Variants in ZNF521 observed in about 807,000 individuals in gnomAD.
The protein encoded by ZNF521 is zinc finger protein 521.
A neutral mutation model predicts 105.5 loss-of-function variants in ZNF521; 14 were observed. The observed-to-expected ratio is 0.13, with a 90% CI of 0.09 to 0.21. The LOEUF (loss-of-function observed/expected upper bound fraction) is 0.21, where lower values mean the gene tolerates loss of function less well. ZNF521 is among the 10% of genes least tolerant of loss of function. ZNF521 has a pLI of 1.00. For missense variants in ZNF521, 1,233 were observed against 1,629.7 expected, an observed-to-expected ratio of 0.76 and a Z score of 4.19; for synonymous variants, 635 against 606.0, an observed-to-expected ratio of 1.05 and a Z score of -0.70.
chr18:25,240,915 C>T (rs1907280660), intron 3 of ZNF521, among the ~76,000 whole-genome samples: 2 of 141,066 alleles, frequency 1.4e-5, no homozygotes, highest in Admixed American at 7.4e-5. Context: ...GTTTTCTGCA[C>T]TACTTTGTGT....
chr18:25,203,462 A>G (rs2036026747), intron 4 of ZNF521, among the ~76,000 whole-genome samples: 1 of 152,098 alleles, frequency 6.6e-6, no homozygotes, highest in South Asian at 2.1e-4. Flanking sequence ...ACAAAATATT[A>G]AAAAATTAGT....
At chr18:25,243,261 C>T (rs1907472614) in intron 3 of ZNF521, among the ~76,000 whole-genome samples, 1 of 152,040 alleles carries the variant, frequency 6.6e-6, no homozygotes, top group Admixed American at 6.6e-5. Context: ...CTTTTGTTAG[C>T]TTAAAAAGCC....
In ZNF521 at chr18:25,062,749, TAACAAAAAAAAAA is replaced by T. The variant is rs2032933465; in HGVS notation, c.3907-21_3907-9del. On this transcript the variant is annotated splice_polypyrimidine_tract_variant and intron_variant, in intron 7 of 7. Coordinates refer to ENST00000361524, the MANE Select transcript of ZNF521 (RefSeq NM_015461.3). Reference sequence around the variant, plus strand: ...TTGGGTCATTGTATGATTCTGTAAATAACAAAAAAAAAAAAAAAAAAAAAAAAAAAAAAAAAGA... The same window carrying T: ...TTGGGTCATTGTATGATTCTGTAAATAAAAAAAAAAAAAAAAAAAAAAAGA... 3.0e-4 allele frequency: 61 copies of T among 204,490 alleles called. No homozygotes were observed. Among genetic ancestry groups the T allele is most frequent in the Non-Finnish European group, 3.9e-4 (55 of 140,762 alleles). 12.7% of individuals were successfully genotyped at this position (204,490 alleles called of 1,614,324 possible).
rs754522798 is a variant in ZNF521, at chr18:25,227,099, G to T, written c.819C>A (p.Ser273=). ...GGAGGGCCGCTCGGTCCTCATTTGGGGAGCATTCGGGGTGGCACTCTGCAA... is the reference window on the plus strand; with the variant it reads ...GGAGGGCCGCTCGGTCCTCATTTGGTGAGCATTCGGGGTGGCACTCTGCAA... ...KHIAECHPEC[S]PNEDRAALQC... The change falls in exon 4 of 8, where the codon TCC becomes TCA. Residue 273 remains serine, a synonymous_variant. Transcript: ENST00000361524. The surrounding 1 kb of genome is among the most constrained non-coding windows in gnomAD (Gnocchi z 5.7). 1 of 1,614,080 alleles carries T rather than the reference G, an allele frequency of 6.2e-7. No individual in the cohort carries two copies. Among genetic ancestry groups the T allele is most frequent in the East Asian group, 2.2e-5 (1 of 44,860 alleles).
At chr18:25,291,722 C>G (rs1911032817) in intron 3 of ZNF521, among the ~76,000 whole-genome samples, 1 of 152,080 alleles carries the variant, frequency 6.6e-6, no homozygotes, top group South Asian at 2.1e-4. Flanking sequence ...TCGCCAAGCC[C>G]TCGGCATACT....
intron 5 of ZNF521, among the ~76,000 whole-genome samples, chr18:25,107,331 T>C (rs185514798): frequency 6.6e-6 from 1 of 152,356 alleles, no homozygotes; most frequent in East Asian, 1.9e-4. Flanking sequence ...TTGAAATATC[T>C]TTTAACACTC....
chr18:25,290,651 C>T (rs897805437), intron 3 of ZNF521, among the ~76,000 whole-genome samples: 76 of 143,918 alleles, frequency 5.3e-4, no homozygotes, highest in Non-Finnish European at 8.6e-4. Flanking sequence ...CACTTTGTCA[C>T]CCAGACTGGA....
At chr18:25,337,954 G>A (rs921092035) in intron 2 of ZNF521, among the ~76,000 whole-genome samples, 2 of 152,136 alleles carry the variant, frequency 1.3e-5, no homozygotes, top group African/African-American at 4.8e-5. Context: ...ATATGGAAGG[G>A]CTGCTAGGAA....
At chr18:25,262,626 A>C (rs1244675083) in intron 3 of ZNF521, among the ~76,000 whole-genome samples, 1 of 152,214 alleles carries the variant, frequency 6.6e-6, no homozygotes, top group Non-Finnish European at 1.5e-5. Context: ...AAAGCAATAA[A>C]CAAACTATCA....
intron 2 of ZNF521, 176 bp from the exon 3 acceptor site, chr18:25,322,363 A>G (rs1912977537): frequency 1.1e-5 from 8 of 759,196 alleles, no homozygotes; most frequent in Admixed American, 1.1e-4. Flanking sequence ...AAAATTATTC[A>G]GTTAGTGACT....
intron 3 of ZNF521, among the ~76,000 whole-genome samples, chr18:25,298,292 C>T (rs905964263): frequency 6.6e-6 from 1 of 152,100 alleles, no homozygotes; most frequent in Non-Finnish European, 1.5e-5. Context: ...AAGGTCTCTG[C>T]CAATTAATGA....
chr18:25,128,002 C>T (rs1299825406), intron 5 of ZNF521, among the ~76,000 whole-genome samples: 10 of 151,832 alleles, frequency 6.6e-5, no homozygotes, highest in Non-Finnish European at 1.3e-4. Flanking sequence ...ATACAGAAAC[C>T]AGACAAAGAC....
intron 5 of ZNF521, among the ~76,000 whole-genome samples, chr18:25,147,841 C>A (rs1486452310): frequency 6.6e-6 from 1 of 152,150 alleles, no homozygotes. Flanking sequence ...TAACTTCCAG[C>A]AAGCATTTTA....
intron 7 of ZNF521, among the ~76,000 whole-genome samples, chr18:25,079,178 G>C (rs116596879): frequency 6.6e-6 from 1 of 152,372 alleles, no homozygotes; most frequent in East Asian, 1.9e-4. Flanking sequence ...CTGGATTGGC[G>C]CTCATGCCAC....
chr18:25,091,241 C>T (rs932887703), intron 6 of ZNF521, among the ~76,000 whole-genome samples: 3 of 152,160 alleles, frequency 2.0e-5, no homozygotes, highest in African/African-American at 7.2e-5. Flanking sequence ...AAAGGATTTT[C>T]CAAAATAACT....
intron 5 of ZNF521, among the ~76,000 whole-genome samples, chr18:25,129,280 TATTA>T (rs1466359327): frequency 1.9e-5 from 1 of 52,930 alleles, no homozygotes; most frequent in Non-Finnish European, 6.6e-5. Context: ...TTATTATTAT[TATTA>T]ATTAATCTGT....
intron 4 of ZNF521, among the ~76,000 whole-genome samples, chr18:25,196,177 A>G (rs1241381943): frequency 6.6e-6 from 1 of 151,742 alleles, no homozygotes; most frequent in Non-Finnish European, 1.5e-5. Context: ...GTAATTAAAA[A>G]CCATGTTGGA....
intron 2 of ZNF521, among the ~76,000 whole-genome samples, chr18:25,341,369 C>T (rs1914191109): frequency 6.6e-6 from 1 of 152,176 alleles, no homozygotes; most frequent in African/African-American, 2.4e-5. Context: ...TTAATATGAA[C>T]ATCATACACA....
At chr18:25,350,355 C>A (rs897397045) in intron 2 of ZNF521, among the ~76,000 whole-genome samples, 3 of 151,914 alleles carry the variant, frequency 2.0e-5, no homozygotes, top group East Asian at 2.0e-4. Flanking sequence ...CTGTTTACTC[C>A]GGCGACGTGC....
Sources: gnomAD v4.1 joint callset for allele counts (sites outside exome capture counted in the v4.1 genomes callset) on GRCh38, gnomAD v4.1.1 for gene constraint, Gnocchi (gnomAD v3.1) non-coding constraint, MANE v1.5 for transcripts, NCBI Gene and HGNC (gene_info 2026-07-23, HGNC 2026-07-21) for gene names.